The following LHFPL2 variants were observed in gnomAD, a reference collection of about 807,000 sequenced individuals.
The protein encoded by LHFPL2 is LHFPL tetraspan subfamily member 2.
A neutral mutation model predicts 17.5 loss-of-function variants in LHFPL2; 7 were observed. The ratio of observed to expected loss-of-function variants is 0.40; its 90% CI spans 0.23 to 0.75. LHFPL2 has a LOEUF of 0.75. LHFPL2 is among the 30% of genes least tolerant of loss of function. The pLI, the probability that LHFPL2 is intolerant of heterozygous loss-of-function variation, is 0.37. For synonymous variants in LHFPL2, 134 were observed against 116.2 expected (o/e 1.15, Z -0.99); for missense variants, 241 against 294.8 (o/e 0.82, Z 1.34).
intron 3 of LHFPL2, among the ~76,000 whole-genome samples, chr5:78,546,728 GACT>G (rs1335196808): frequency 6.6e-6 from 1 of 152,170 alleles, no homozygotes; most frequent in Non-Finnish European, 1.5e-5. Flanking sequence ...TGTGTATATT[GACT>G]ACGAGTTTCT....
chr5:78,616,536 A>C (rs192910896), intron 2 of LHFPL2, among the ~76,000 whole-genome samples: 1 of 152,344 alleles, frequency 6.6e-6, no homozygotes, highest in East Asian at 1.9e-4. Flanking sequence ...AGTCATATCC[A>C]GATTTCAGAA....
intron 2 of LHFPL2, among the ~76,000 whole-genome samples, chr5:78,594,003 A>G (rs1743738120): frequency 6.6e-6 from 1 of 152,324 alleles, no homozygotes; most frequent in Non-Finnish European, 1.5e-5. Flanking sequence ...CACTCTTCCA[A>G]TAACTCGTAG....
chr5:78,583,021 A>T (rs916282307), intron 2 of LHFPL2, among the ~76,000 whole-genome samples: 1 of 152,180 alleles, frequency 6.6e-6, no homozygotes, highest in African/African-American at 2.4e-5. Context: ...TGTTGAATTT[A>T]TCCCTTTAGC....
At chr5:78,564,418 G>T (rs368714481) in intron 3 of LHFPL2, among the ~76,000 whole-genome samples, 2 of 152,004 alleles carry the variant, frequency 1.3e-5, no homozygotes, top group Non-Finnish European at 2.9e-5. Flanking sequence ...AATAAAATTG[G>T]GTATTTTTAA....
intron 2 of LHFPL2, among the ~76,000 whole-genome samples, chr5:78,610,885 A>G (rs1202369486): frequency 6.6e-6 from 1 of 150,572 alleles, no homozygotes; most frequent in African/African-American, 2.4e-5. Context: ...TGTGGCAAAG[A>G]GGAGATGTCA....
chr5:78,560,658 A>G (rs62378933), intron 3 of LHFPL2, among the ~76,000 whole-genome samples: 11,781 of 152,286 alleles, frequency 0.077, 647 homozygotes, highest in Non-Finnish European at 0.12. Context: ...GAAAGTAAAA[A>G]CAGACCTTAA....
chr5:78,603,267 C>A (rs911169902), intron 2 of LHFPL2, among the ~76,000 whole-genome samples: 7 of 152,210 alleles, frequency 4.6e-5, no homozygotes, highest in Non-Finnish European at 1.0e-4. Flanking sequence ...TTGGATGTCA[C>A]AACCTGTGCT....
chr5:78,536,866 C>CT (rs1470736914), intron 3 of LHFPL2, among the ~76,000 whole-genome samples: 1 of 152,180 alleles, frequency 6.6e-6, no homozygotes, highest in Non-Finnish European at 1.5e-5. Flanking sequence ...CAAACACTGG[C>CT]TTTTTTCCAG....
Position 78,509,924 on chromosome 5 carries a change from C to T in LHFPL2, c.290G>A (p.Trp97Ter). Residue 97 changes from tryptophan (W) to a stop codon, truncating the protein, a stop_gained, in exon 4 of 5, where the codon TGG becomes TAG. Transcript: ENST00000380345. LOFTEE classifies it high-confidence loss of function. ...AGCCAGGAAAATAGCTGTGGCCTGC[C>T]AGAAGCCGCTGGCGATCTCGCCGAA... The part of the protein sequence containing the change: ...ESFGEIASGF[W>*]QATAIFLAVG... 1.9e-6 allele frequency: 3 copies of T among 1,613,714 alleles called. No homozygotes were observed. The highest frequency in any genetic ancestry group is 2.5e-6 in the Non-Finnish European group (3 of 1,180,028).
At chr5:78,619,564 A>G (rs1744757145) in intron 2 of LHFPL2, among the ~76,000 whole-genome samples, 1 of 146,868 alleles carries the variant, frequency 6.8e-6, no homozygotes, top group African/African-American at 2.5e-5. Flanking sequence ...GGTTTGTTAC[A>G]TATGTATACA....
chr5:78,583,884 A>C (rs1417758270), intron 2 of LHFPL2, among the ~76,000 whole-genome samples: 6 of 150,756 alleles, frequency 4.0e-5, no homozygotes, highest in Admixed American at 6.6e-5. Flanking sequence ...GTGTTTTCCA[A>C]CTTGGTTCCA....
chr5:78,639,016 G>A (rs1188021229), intron 1 of LHFPL2, among the ~76,000 whole-genome samples: 3 of 152,128 alleles, frequency 2.0e-5, no homozygotes, highest in Admixed American at 6.5e-5. Context: ...TGGATATTAA[G>A]AAAGCCAGAA....
chr5:78,584,175 T>C (rs1743273816), intron 2 of LHFPL2, among the ~76,000 whole-genome samples: 2 of 150,606 alleles, frequency 1.3e-5, no homozygotes, highest in African/African-American at 2.4e-5. Context: ...ATTCTAGTTA[T>C]ACATTCTTCT....
At chr5:78,501,680 G>A (rs1001381985) in intron 4 of LHFPL2, among the ~76,000 whole-genome samples, 7 of 152,136 alleles carry the variant, frequency 4.6e-5, no homozygotes, top group African/African-American at 1.7e-4. Flanking sequence ...CCTCCTGCCC[G>A]TGTAGCTGGG....
intron 4 of LHFPL2, among the ~76,000 whole-genome samples, chr5:78,501,047 C>T (rs190136746): frequency 1.0e-3 from 155 of 152,262 alleles, no homozygotes; most frequent in Non-Finnish European, 2.1e-3. Flanking sequence ...CCATTCTGAA[C>T]ACTAGAGGTA....
chr5:78,648,275 C>T lies in LHFPL2; in HGVS notation c.-350+224G>A, dbSNP rs1234042274. On this transcript the variant is annotated intron_variant, in intron 1 of 4. Coordinates refer to ENST00000380345, the MANE Select transcript of LHFPL2 (RefSeq NM_005779.3). This position sits in a 1 kb window ranked among gnomAD's most constrained non-coding sequence, Gnocchi z 5.4. ...CCGGCGGCGCTGAGAAGCAGCTGTT[C>T]CCTTCCCATTCCCAGCACCCAACGC... is the stretch of plus-strand genomic sequence containing the variant. Among the ~76,000 whole-genome samples the T allele has an allele frequency of 1.3e-5, 2 of 152,194 alleles. No individual in the cohort carries two copies. The highest frequency in any genetic ancestry group is 4.1e-4 in the South Asian group (2 of 4,832).
At chr5:78,610,407 G>A (rs967550742) in intron 2 of LHFPL2, among the ~76,000 whole-genome samples, 1 of 152,222 alleles carries the variant, frequency 6.6e-6, no homozygotes, top group Non-Finnish European at 1.5e-5. Context: ...TTCCATAGAT[G>A]GAGCCACTGG....
At chr5:78,612,209 C>G (rs1368950110) in intron 2 of LHFPL2, among the ~76,000 whole-genome samples, 1 of 152,118 alleles carries the variant, frequency 6.6e-6, no homozygotes, top group African/African-American at 2.4e-5. Flanking sequence ...GAAGACTTCT[C>G]CCATCCGATT....
At chr5:78,581,138 GCTCT>G (rs750721538) in intron 2 of LHFPL2, among the ~76,000 whole-genome samples, 116 of 152,116 alleles carry the variant, frequency 7.6e-4, no homozygotes, top group Non-Finnish European at 1.3e-3. Context: ...TCATGATTTG[GCTCT>G]CTGTTTGTCT....
Sources: gnomAD v4.1 joint callset for allele counts (sites outside exome capture counted in the v4.1 genomes callset) on GRCh38, gnomAD v4.1.1 for gene constraint, Gnocchi (gnomAD v3.1) non-coding constraint, MANE v1.5 for transcripts, NCBI Gene and HGNC (gene_info 2026-07-23, HGNC 2026-07-21) for gene names.